The following DNAH2 variants were observed in gnomAD, a reference collection of about 807,000 sequenced individuals.
DNAH2 encodes the protein axonemal beta dynein heavy chain 2.
Under a neutral mutation model 523.5 loss-of-function variants are expected in DNAH2, and 323 were observed. The ratio of observed to expected loss-of-function variants is 0.62; its 90% CI spans 0.56 to 0.68. The LOEUF is 0.68. Ranked by LOEUF, DNAH2 falls within the 30% of genes least tolerant of loss-of-function variation. DNAH2 has a pLI of 0.00. For synonymous variants in DNAH2, 2,093 were observed against 2,177.4 expected (o/e 0.96, Z 1.08); for missense variants, 4,907 against 5,701.5 (o/e 0.86, Z 4.49).
At chr17:7,781,255 G>T in intron 39 of DNAH2, 88 bp downstream of exon 39, 1 of 1,475,974 alleles carries the variant, frequency 6.8e-7, no homozygotes, top group Non-Finnish European at 9.4e-7. Context: ...TGGGCAGACT[G>T]TTTGAGTCCA....
At chr17:7,770,511 A>G (rs1048928465) in intron 25 of DNAH2, 46 bp from the exon 26 acceptor site, 2 of 1,612,886 alleles carry the variant, frequency 1.2e-6, no homozygotes, top group Admixed American at 1.7e-5. Context: ...TGTTCCCCTT[A>G]GTGAAGAGAT....
chr17:7,768,061 G>A lies in DNAH2; in HGVS notation c.3837G>A (p.Lys1279=), dbSNP rs2151215708. 2 of 1,614,184 alleles carry A rather than the reference G, an allele frequency of 1.2e-6. No individual in the cohort carries two copies. The highest frequency in any genetic ancestry group is 1.7e-5 in the Admixed American group (1 of 60,018). The change falls in exon 23 of 86, where the codon AAG becomes AAA. Residue 1279 remains lysine, a splice_region_variant and synonymous_variant. Coordinates refer to ENST00000572933, the MANE Select transcript of DNAH2 (RefSeq NM_020877.5). ...RRLTKLAKEY[K]DRNWEIIETT... is the part of the protein sequence containing the mutation. ...TCACAAAATTAGCCAAAGAGTATAA[G>A]GTGGGGAGAAACGGCGGGGAGGCGG...
chr17:7,814,814 A>G (rs2077614498), intron 63 of DNAH2, among the ~76,000 whole-genome samples: 2 of 152,174 alleles, frequency 1.3e-5, no homozygotes, highest in Non-Finnish European at 2.9e-5. Context: ...GTGCCATTGC[A>G]CTCCAGCCTG....
rs1380125260 is a variant in DNAH2 at position 7,792,272 on chromosome 17, T to C, written c.7074T>C (p.Phe2358=). The C allele has an allele frequency of 6.2e-7, 1 of 1,613,952 alleles. No individual in the cohort carries two copies. Among genetic ancestry groups the C allele is most frequent in the African/African-American group, 1.3e-5 (1 of 74,872 alleles). ...CTTAGGACACGGTATATGAGTATTT[T>C]GTGGACCCCAAAATACGGAGTTGGA... The part of the protein sequence containing the change: ...FPNKDTVYEY[F]VDPKIRSWTS... The change falls in exon 46 of 86, where the codon TTT becomes TTC. Residue 2358 remains phenylalanine, a synonymous_variant. Coordinates refer to ENST00000572933, the MANE Select transcript of DNAH2 (RefSeq NM_020877.5).
intron 12 of DNAH2, among the ~76,000 whole-genome samples, chr17:7,752,857 A>T (rs528381706): frequency 6.6e-6 from 1 of 152,342 alleles, no homozygotes; most frequent in African/African-American, 2.4e-5. Context: ...ATTATTTTTC[A>T]GGTGAATTGT....
chr17:7,725,607 ATT>A (rs2074780880), intron 3 of DNAH2, among the ~76,000 whole-genome samples: 1 of 141,856 alleles, frequency 7.0e-6, no homozygotes, highest in Non-Finnish European at 1.5e-5. Flanking sequence ...TGATTTTTGT[ATT>A]TTTTTTAGTA....
Position 7,765,431 on chromosome 17 carries a change from T to C in DNAH2, c.3377T>C (p.Val1126Ala). Residue 1126 changes from valine (V) to alanine (A), a missense_variant, in exon 21 of 86, where the codon GTC (valine) becomes GCC (alanine). Physicochemically the swap from Val to Ala is moderately conservative, Grantham distance 64 (BLOSUM62 0). This residue lies in a region of DNAH2 where 2,806 missense variants were observed against 3,190.8 expected (regional missense o/e 0.88). Transcript: ENST00000572933. ...GACAGTCTCAACGGGGAGTGGGTTG[T>C]CTTCCAACAAACTCTGCTGGACAGT... The part of the protein sequence containing the change: ...MLDSLNGEWV[V>A]FQQTLLDSKQ... 1 of 1,614,194 alleles carries C rather than the reference T, an allele frequency of 6.2e-7. No homozygotes were observed. Among genetic ancestry groups the C allele is most frequent in the South Asian group, 1.1e-5 (1 of 91,088 alleles).
At chr17:7,767,658 C>T (rs1008806039) in intron 22 of DNAH2, among the ~76,000 whole-genome samples, 1 of 149,700 alleles carries the variant, frequency 6.7e-6, no homozygotes, top group African/African-American at 2.5e-5. Flanking sequence ...TGTGAAGTGG[C>T]ATCCCACTGA....
At chr17:7,755,417 C>T (rs559608961) in intron 12 of DNAH2, among the ~76,000 whole-genome samples, 5 of 151,660 alleles carry the variant, frequency 3.3e-5, no homozygotes, top group South Asian at 4.2e-4. Context: ...CCAGCACTGG[C>T]GTTTTGTCAG....
intron 12 of DNAH2, among the ~76,000 whole-genome samples, chr17:7,751,620 C>T (rs893751695): frequency 5.9e-5 from 9 of 152,102 alleles, no homozygotes; most frequent in African/African-American, 1.9e-4. Context: ...GAACTACTAT[C>T]TTTATAGTAA....
At chr17:7,819,468 C>A in intron 72 of DNAH2, 60 bp downstream of exon 72, 2 of 1,586,406 alleles carry the variant, frequency 1.3e-6, no homozygotes, top group Non-Finnish European at 1.7e-6. Context: ...GTTCTTCTGG[C>A]CACTGCACCT....
At chr17:7,741,513 G>A (rs1215613638) in intron 11 of DNAH2, among the ~76,000 whole-genome samples, 4 of 150,666 alleles carry the variant, frequency 2.7e-5, no homozygotes, top group Non-Finnish European at 5.9e-5. Context: ...GCCCGCCACC[G>A]CACCCAGCTA....
chr17:7,817,078 C>T (rs921347675), intron 64 of DNAH2, among the ~76,000 whole-genome samples: 15 of 152,166 alleles, frequency 9.9e-5, no homozygotes, highest in Admixed American at 2.6e-4. Flanking sequence ...AAAGGTTAGG[C>T]CTTATCACCA....
intron 76 of DNAH2, 84 bp from the exon 77 acceptor site, chr17:7,824,453 C>A: frequency 1.4e-6 from 2 of 1,399,814 alleles, no homozygotes; most frequent in Non-Finnish European, 1.9e-6. Flanking sequence ...CCCCCCAGCA[C>A]CCCCACCCCA....
At chr17:7,819,103 T>A (rs1468727424) in intron 71 of DNAH2, 40 bp downstream of exon 71, 1 of 1,600,426 alleles carries the variant, frequency 6.2e-7, no homozygotes, top group Non-Finnish European at 8.5e-7. Context: ...CCACCAGCCA[T>A]CCAAGATGCA....
chr17:7,738,318 G>T (rs1023722181), intron 8 of DNAH2, among the ~76,000 whole-genome samples: 16 of 151,724 alleles, frequency 1.1e-4, no homozygotes, highest in Admixed American at 9.8e-4. Context: ...CTCCTTTTTT[G>T]TTTTTTAATT....
intron 39 of DNAH2, among the ~76,000 whole-genome samples, chr17:7,784,475 C>A (rs1190555541): frequency 6.6e-6 from 1 of 152,100 alleles, no homozygotes; most frequent in Non-Finnish European, 1.5e-5. Flanking sequence ...GTCAGGACTT[C>A]AAGGCTGCAT....
At chr17:7,737,967 G>A in intron 8 of DNAH2, 4 of 703,014 alleles carry the variant, frequency 5.7e-6, no homozygotes, top group South Asian at 1.5e-5. Context: ...CTGCAGATGA[G>A]CAATGAGATC....
Position 7,779,243 on chromosome 17 carries a change from A to G in DNAH2, c.5542A>G (p.Thr1848Ala). Residue 1848 changes from threonine to alanine, a missense_variant and splice_region_variant, in exon 36 of 86, where the codon ACT (threonine) becomes GCT (alanine). By Grantham distance (58) the Thr-to-Ala change is moderately conservative. Transcript: ENST00000572933. ...MGRMYSGLAQ[T>A]GAWGCFDEFN... Reference sequence around the variant, plus strand: ...AGTGACTCTGCCTTGCACCCCGCAGACTGGAGCTTGGGGCTGCTTTGATGA... The same window carrying G: ...AGTGACTCTGCCTTGCACCCCGCAGGCTGGAGCTTGGGGCTGCTTTGATGA... 1 of 1,613,880 alleles carries G rather than the reference A, an allele frequency of 6.2e-7. No individual in the cohort carries two copies. The highest frequency in any genetic ancestry group is 1.1e-5 in the South Asian group (1 of 91,052).
Sources: allele counts gnomAD v4.1 joint callset (sites outside exome capture counted in the v4.1 genomes callset), GRCh38; gene constraint gnomAD v4.1.1; regional missense constraint gnomAD v4.1.1; transcripts MANE v1.5; gene names NCBI Gene and HGNC (gene_info 2026-07-23, HGNC 2026-07-21).